SLC37A1: variants seen among roughly 807,000 people sequenced by gnomAD.
SLC37A1 encodes the protein glucose-6-phosphate exchanger SLC37A1.
In SLC37A1, 49 loss-of-function variants were observed where a neutral mutation model predicts 75.3. The observed-to-expected ratio is 0.65, with a 90% CI of 0.52 to 0.83. The LOEUF (loss-of-function observed/expected upper bound fraction) is 0.83, where lower values mean the gene tolerates loss of function less well. Among genes scored for constraint, SLC37A1 ranks in the 40% least tolerant of loss-of-function variants. The probability of loss-of-function intolerance (pLI) is 0.00; values close to 1 mark genes in which losing one functional copy is unlikely to be tolerated. For synonymous variants in SLC37A1, 268 were observed against 292.1 expected (o/e 0.92, Z 0.84); for missense variants, 566 against 695.0 (o/e 0.81, Z 2.09).
intron 18 of SLC37A1, among the ~76,000 whole-genome samples, chr21:42,579,517 C>G (rs2056372311): frequency 6.6e-6 from 1 of 152,008 alleles, no homozygotes; most frequent in Non-Finnish European, 1.5e-5. Flanking sequence ...CTTCATCAGA[C>G]AGCCCTGCCC....
At chr21:42,562,642 AT>A (rs1398091351) in intron 12 of SLC37A1, among the ~76,000 whole-genome samples, 1 of 148,234 alleles carries the variant, frequency 6.7e-6, no homozygotes, top group Non-Finnish European at 1.5e-5. Flanking sequence ...GCAGCTATAG[AT>A]TATCAGAAAA....
At chr21:42,563,718 C>T (rs930266063) in intron 12 of SLC37A1, 97 bp from the exon 13 acceptor site, 169 of 1,098,172 alleles carry the variant, frequency 1.5e-4, no homozygotes, top group Non-Finnish European at 2.5e-5. Context: ...GCTTATGAAG[C>T]CAGAGTCCCG....
chr21:42,535,583 G>A, intron 5 of SLC37A1, 33 bp downstream of exon 5: 1 of 1,582,022 alleles, frequency 6.3e-7, no homozygotes, highest in South Asian at 1.1e-5. Context: ...GACCCTTCCT[G>A]GTTACCTGGC....
intron 10 of SLC37A1, among the ~76,000 whole-genome samples, chr21:42,554,844 T>C (rs970011360): frequency 6.6e-6 from 1 of 152,168 alleles, no homozygotes; most frequent in African/African-American, 2.4e-5. Context: ...TCATTGATCC[T>C]TGTAGAGGCT....
chr21:42,552,499 C>T lies in SLC37A1; in HGVS notation c.769-1563C>T, dbSNP rs2055582525. Among the ~76,000 whole-genome samples, 1 of 152,180 alleles carries T rather than the reference C, an allele frequency of 6.6e-6. No individual in the cohort carries two copies. The highest frequency in any genetic ancestry group is 2.4e-5 in the African/African-American group (1 of 41,430). On this transcript the variant is annotated intron_variant, in intron 9 of 19. Transcript: ENST00000352133. The surrounding 1 kb of genome is among the most constrained non-coding windows in gnomAD (Gnocchi z 4.2). ...TTCTTCCCCTGTGCATGGCTTCATG[C>T]CAAAGGTGATATATTCCAACCAATT...
chr21:42,520,131 T>C (rs1326016492), intron 2 of SLC37A1, among the ~76,000 whole-genome samples: 2 of 152,170 alleles, frequency 1.3e-5, no homozygotes, highest in Non-Finnish European at 2.9e-5. Context: ...AGCAAAAAGA[T>C]CAAAATCAGG....
At chr21:42,567,214 G>GC (rs201417142) in intron 16 of SLC37A1, among the ~76,000 whole-genome samples, 156 bp downstream of exon 16, 1 of 151,744 alleles carries the variant, frequency 6.6e-6, no homozygotes, top group African/African-American at 2.4e-5. Flanking sequence ...TCCCGCACCT[G>GC]CCCCGCTGCT....
At chr21:42,554,300 G>A (rs2055628921) in intron 10 of SLC37A1, among the ~76,000 whole-genome samples, 158 bp downstream of exon 10, 1 of 152,208 alleles carries the variant, frequency 6.6e-6, no homozygotes, top group Non-Finnish European at 1.5e-5. Flanking sequence ...AGTAAAATTT[G>A]AGTTTGCCCT....
chr21:42,529,155 G>A (rs562971577), intron 3 of SLC37A1, among the ~76,000 whole-genome samples: 2 of 152,182 alleles, frequency 1.3e-5, no homozygotes, highest in African/African-American at 2.4e-5. Flanking sequence ...AGACAAAAAA[G>A]TCAGTAGAAT....
chr21:42,530,654 A>ACACACACACACACC (rs1161313598), intron 3 of SLC37A1, among the ~76,000 whole-genome samples: 361 of 35,864 alleles, frequency 0.01, 15 homozygotes, highest in Non-Finnish European at 0.013. Flanking sequence ...ACACACACAC[A>ACACACACACACACC]CCCCCTCTGT....
At chr21:42,550,138 C>T (rs1391665897) in intron 9 of SLC37A1, among the ~76,000 whole-genome samples, 4 of 152,110 alleles carry the variant, frequency 2.6e-5, no homozygotes, top group Non-Finnish European at 4.4e-5. Context: ...AAACCAATGG[C>T]AAAGAATAGA....
At chr21:42,520,949 T>C (rs898911955) in intron 2 of SLC37A1, among the ~76,000 whole-genome samples, 1 of 152,142 alleles carries the variant, frequency 6.6e-6, no homozygotes, top group Non-Finnish European at 1.5e-5. Context: ...TGATAGCCCA[T>C]TGAATAGCGT....
chr21:42,570,820 A>C (rs1204902598), intron 17 of SLC37A1, among the ~76,000 whole-genome samples: 2 of 152,220 alleles, frequency 1.3e-5, no homozygotes, highest in Non-Finnish European at 2.9e-5. Flanking sequence ...AACAGAGGCC[A>C]CTGCCCACCA....
At chr21:42,527,352 G>A (rs1393062533) in intron 3 of SLC37A1, among the ~76,000 whole-genome samples, 1 of 152,040 alleles carries the variant, frequency 6.6e-6, no homozygotes, top group Non-Finnish European at 1.5e-5. Context: ...TGGGAGCCCT[G>A]TCCCGGTCCC....
chr21:42,513,634 T>C (rs2054463755), upstream of SLC37A1, among the ~76,000 whole-genome samples: 5 of 150,972 alleles, frequency 3.3e-5, no homozygotes, highest in Admixed American at 2.6e-4. Context: ...GCGCGGGCCA[T>C]GACCCGGGTT....
intron 2 of SLC37A1, among the ~76,000 whole-genome samples, chr21:42,518,769 T>C (rs1485594177): frequency 6.6e-6 from 1 of 152,198 alleles, no homozygotes; most frequent in Non-Finnish European, 1.5e-5. Flanking sequence ...CTAAGAACCA[T>C]GGTCCCTACA....
At chr21:42,542,747 G>C (rs553952579) in intron 7 of SLC37A1, among the ~76,000 whole-genome samples, 1 of 152,326 alleles carries the variant, frequency 6.6e-6, no homozygotes, top group Non-Finnish European at 1.5e-5. Context: ...GGTGTTGTGG[G>C]AGATGCAGAG....
intron 17 of SLC37A1, among the ~76,000 whole-genome samples, chr21:42,572,697 TG>T (rs1482820708): frequency 1.0e-4 from 4 of 39,112 alleles, no homozygotes; most frequent in Non-Finnish European, 2.7e-4. Flanking sequence ...AAAAAGAGTG[TG>T]TCCTGAGGTT....
At chr21:42,572,980 C>T (rs1248768450) in intron 17 of SLC37A1, among the ~76,000 whole-genome samples, 3 of 152,150 alleles carry the variant, frequency 2.0e-5, no homozygotes, top group Non-Finnish European at 4.4e-5. Flanking sequence ...TGGGACCCTG[C>T]GGAACCTGCA....
Sources: gnomAD v4.1 joint callset for allele counts (sites outside exome capture counted in the v4.1 genomes callset) on GRCh38, gnomAD v4.1.1 for gene constraint, Gnocchi (gnomAD v3.1) non-coding constraint, MANE v1.5 for transcripts, NCBI Gene and HGNC (gene_info 2026-07-23, HGNC 2026-07-21) for gene names.